Variants in SI observed in about 807,000 individuals in gnomAD.
The protein encoded by SI is sucrase-isomaltase.
A neutral mutation model predicts 253.3 loss-of-function variants in SI; 235 were observed. That is an observed-to-expected ratio of 0.93 (90% confidence interval 0.83 to 1.03). SI has a LOEUF of 1.03. Among genes scored for constraint, SI ranks in the 50% least tolerant of loss-of-function variants. The pLI, the probability that SI is intolerant of heterozygous loss-of-function variation, is 0.00. For missense variants in SI, 2,442 were observed against 2,211.1 expected, an observed-to-expected ratio of 1.10 and a Z score of -2.09; for synonymous variants, 819 against 712.0, an observed-to-expected ratio of 1.15 and a Z score of -2.39.
At chr3:165,017,480 T>G (rs1719093406) in intron 31 of SI, 68 bp downstream of exon 31, 1 of 1,461,346 alleles carries the variant, frequency 6.8e-7, no homozygotes, top group Non-Finnish European at 9.5e-7. Context: ...AAAGTATACA[T>G]GTTTAATTAT....
At chr3:165,034,150 T>C (rs1024764685) in intron 22 of SI, among the ~76,000 whole-genome samples, 2 of 151,880 alleles carry the variant, frequency 1.3e-5, no homozygotes, top group East Asian at 3.9e-4. Context: ...GAAATAATAT[T>C]ATATTCAGAA....
At chr3:165,027,641 C>T (rs557370689) in intron 25 of SI, among the ~76,000 whole-genome samples, 4 of 151,484 alleles carry the variant, frequency 2.6e-5, no homozygotes, top group South Asian at 2.1e-4. Context: ...ACTAGGGATA[C>T]GGGGATGGTT....
intron 37 of SI, among the ~76,000 whole-genome samples, chr3:165,003,272 A>T (rs993308541): frequency 1.3e-5 from 2 of 151,884 alleles, no homozygotes; most frequent in Non-Finnish European, 2.9e-5. Flanking sequence ...ACATACTTTC[A>T]ACTCAAAGCA....
intron 6 of SI, 91 bp downstream of exon 6, chr3:165,067,249 A>T: frequency 9.7e-7 from 1 of 1,028,404 alleles, no homozygotes; most frequent in Non-Finnish European, 1.4e-6. Flanking sequence ...TTGGGAGGAA[A>T]TTTATTTCTA....
At chr3:165,010,440 C>T (rs1358338559) in intron 34 of SI, among the ~76,000 whole-genome samples, 2 of 152,178 alleles carry the variant, frequency 1.3e-5, no homozygotes, top group South Asian at 2.1e-4. Flanking sequence ...GGATTACAGG[C>T]GTGAGCCACC....
At position 164,982,972 on chromosome 3, in the gene SI, A is replaced by G. The variant is rs1169240425; in HGVS notation, c.5247+30T>C. ...AGCTGTGAACTTCAAATATTCCTTA[A>G]CAGAATTGCATATAAATAATCTTAC... On this transcript the variant is annotated intron_variant, in intron 46 of 47. Transcript: ENST00000264382. 4.5e-6 allele frequency: 7 copies of G among 1,545,970 alleles called. No individual in the cohort carries two copies. In the East Asian group the frequency reaches 1.6e-4, roughly 36 times the overall value.
In SI at chr3:165,076,885, T is replaced by C. The variant is rs1310627922; in HGVS notation, c.1-873A>G. On this transcript the variant is annotated intron_variant, in intron 1 of 47. Coordinates refer to ENST00000264382, the MANE Select transcript of SI (RefSeq NM_001041.4). ...GATTATCTGTATTCTATGATTTTAG[T>C]ATAAATCTTAATTCAAAGACATATA... Among the ~76,000 whole-genome samples, 12 of 151,554 alleles carry C rather than the reference T, an allele frequency of 7.9e-5. No homozygotes were observed. In the Admixed American group the frequency reaches 7.9e-4, roughly 10 times the overall value.
At chr3:165,050,903 C>T (rs541162341) in intron 13 of SI, among the ~76,000 whole-genome samples, 1 of 152,152 alleles carries the variant, frequency 6.6e-6, no homozygotes, top group South Asian at 2.1e-4. Context: ...TTAACCTTAA[C>T]ACTCCTATAT....
At chr3:165,085,465 A>G in the SI span, among the ~76,000 whole-genome samples, 1 of 152,160 alleles carries the variant, frequency 6.6e-6, no homozygotes, top group Non-Finnish European at 1.5e-5. Flanking sequence ...GGCACAAAAT[A>G]TGGGTTCAAT....
At chr3:165,038,355 C>T (rs958723537) in intron 20 of SI, among the ~76,000 whole-genome samples, 1 of 151,670 alleles carries the variant, frequency 6.6e-6, no homozygotes, top group African/African-American at 2.4e-5. Context: ...ATCATTATTT[C>T]CGTAAAAATA....
At chr3:165,018,939 T>C (rs1719173412) in intron 28 of SI, among the ~76,000 whole-genome samples, 1 of 151,836 alleles carries the variant, frequency 6.6e-6, no homozygotes, top group African/African-American at 2.4e-5. Flanking sequence ...AGACTTATAG[T>C]ATGGTACTGA....
intron 34 of SI, among the ~76,000 whole-genome samples, chr3:165,009,862 T>C (rs73018900): frequency 0.25 from 37,558 of 152,064 alleles, 7,930 homozygotes; most frequent in African/African-American, 0.58. Flanking sequence ...CTAGCCCTTC[T>C]CATCCCAACA....
At chr3:165,016,316 AT>A (rs1193901985) in intron 31 of SI, among the ~76,000 whole-genome samples, 3 of 151,984 alleles carry the variant, frequency 2.0e-5, no homozygotes, top group African/African-American at 7.2e-5. Context: ...TCATTTAGTC[AT>A]TTTGATTTAG....
rs749502923 is a variant in SI, at chr3:165,016,008, G to A, written c.3832C>T (p.Leu1278Phe). 1.2e-6 allele frequency: 2 copies of A among 1,611,346 alleles called. No homozygotes were observed. Among genetic ancestry groups the A allele is most frequent in the African/African-American group, 2.7e-5 (2 of 74,844 alleles). ...CTTATTTTGTCAACAAACTGAGGAAGGTCCTGGAATGCTTCACCAATTGTA... is the reference window on the plus strand; with the variant it reads ...CTTATTTTGTCAACAAACTGAGGAAAGTCCTGGAATGCTTCACCAATTGTA... ...DFTIGEAFQDLPQFVDKIRGE... is the reference protein window; with the variant it reads ...DFTIGEAFQDFPQFVDKIRGE... Residue 1278 changes from leucine to phenylalanine, a missense_variant, in exon 32 of 48, where the codon CTT becomes TTT. Leu to Phe is a conservative substitution (Grantham distance 22, BLOSUM62 0). Coordinates refer to ENST00000264382, the MANE Select transcript of SI (RefSeq NM_001041.4).
chr3:165,019,507 TACTTCAATCCTAA>T, intron 28 of SI, 82 bp downstream of exon 28: 1 of 1,148,054 alleles, frequency 8.7e-7, no homozygotes, highest in Non-Finnish European at 1.3e-6. Context: ...CCTTTGTCAT[TACTTCAATCCTAA>T]AGCACAGGCC....
intron 30 of SI, 43 bp from the exon 31 acceptor site, chr3:165,017,716 G>A (rs1719106172): frequency 6.2e-7 from 1 of 1,600,614 alleles, no homozygotes; most frequent in Non-Finnish European, 8.5e-7. Context: ...ATTACTTTAT[G>A]CTATAAAAAT....
intron 16 of SI, among the ~76,000 whole-genome samples, 165 bp downstream of exon 16, chr3:165,046,676 A>T (rs1176039558): frequency 6.6e-6 from 1 of 152,132 alleles, no homozygotes; most frequent in Non-Finnish European, 1.5e-5. Flanking sequence ...TGGAAATTAT[A>T]GATACCATCT....
chr3:165,071,117 C>A (rs970778848), intron 3 of SI, among the ~76,000 whole-genome samples: 2 of 152,070 alleles, frequency 1.3e-5, no homozygotes, highest in Admixed American at 6.6e-5. Context: ...TAACTAATTG[C>A]TTCTGGAAAA....
At chr3:165,034,628 A>G (rs376681509) in intron 22 of SI, among the ~76,000 whole-genome samples, 3 of 151,976 alleles carry the variant, frequency 2.0e-5, no homozygotes, top group South Asian at 2.1e-4. Flanking sequence ...GAGCAAGAAG[A>G]TTGGTGTGCT....
Sources: allele counts gnomAD v4.1 joint callset (sites outside exome capture counted in the v4.1 genomes callset), GRCh38; gene constraint gnomAD v4.1.1; transcripts MANE v1.5; gene names NCBI Gene and HGNC (gene_info 2026-07-23, HGNC 2026-07-21).